RPF2: variants seen among roughly 807,000 people sequenced by gnomAD.
RPF2 encodes the protein brix domain containing 1.
RPF2 carries 21 observed loss-of-function variants against 38.9 expected under a neutral mutation model. The ratio of observed to expected loss-of-function variants is 0.54; its 90% CI spans 0.38 to 0.78. The LOEUF (loss-of-function observed/expected upper bound fraction) is 0.78. Among genes scored for constraint, RPF2 ranks in the 30% least tolerant of loss-of-function variants. RPF2 has a pLI of 0.00. For missense variants in RPF2, 314 were observed against 358.1 expected, an observed-to-expected ratio of 0.88 and a Z score of 0.99; for synonymous variants, 121 against 126.2, an observed-to-expected ratio of 0.96 and a Z score of 0.28.
At chr6:110,984,241 G>T (rs968200252) in intron 1 of RPF2, among the ~76,000 whole-genome samples, 2 of 152,000 alleles carry the variant, frequency 1.3e-5, no homozygotes, top group African/African-American at 2.4e-5. Context: ...ATAAGCAGTC[G>T]TTAGTCTTAT....
intron 7 of RPF2, among the ~76,000 whole-genome samples, chr6:111,008,898 C>CTTTTTTTTTTTTTTTTTTTTTTTTTTT (rs57167034): frequency 1.7e-5 from 2 of 120,418 alleles, no homozygotes; most frequent in African/African-American, 3.3e-5. Context: ...TTCCTGGCTC[C>CTTTTTTTTTTTTTTTTTTTTTTTTTTT]TTTTTTTTTT....
Position 111,024,297 on chromosome 6 carries a change from A to G in RPF2, c.711A>G (p.Lys237=). 6.2e-7 allele frequency: 1 copy of G among 1,612,190 alleles called. No individual in the cohort carries two copies. Among genetic ancestry groups the G allele is most frequent in the South Asian group, 1.1e-5 (1 of 90,878 alleles). The change falls in exon 9 of 10, where the codon AAA becomes AAG. Residue 237 remains lysine, a synonymous_variant. Transcript: ENST00000441448. The part of the protein sequence containing the change: ...RTHLASDDLY[K]LSMKMPKALK... Reference sequence around the variant, plus strand: ...ACCTGGCATCGGATGACCTTTATAAATTATCTATGAAAATGCCAAAAGCTC... The same window carrying G: ...ACCTGGCATCGGATGACCTTTATAAGTTATCTATGAAAATGCCAAAAGCTC...
intron 8 of RPF2, 36 bp downstream of exon 8, chr6:111,015,892 A>G: frequency 2.1e-6 from 3 of 1,441,776 alleles, no homozygotes; most frequent in Non-Finnish European, 2.9e-6. Flanking sequence ...CTTAATCCTC[A>G]GGGTTAGTGT....
chr6:110,982,078 CT>C lies in RPF2; in HGVS notation c.-28del, dbSNP rs772814863. On this transcript the variant is annotated 5_prime_UTR_variant, in exon 1 of 10. The change abolishes the stop of an existing upstream ORF in the 5' untranslated region. Coordinates refer to ENST00000441448, the MANE Select transcript of RPF2 (RefSeq NM_032194.3). ...ATCGCCGAGGGCACGTGCATGCCCC[CT>C]GGTTAAGAGTTGCAGGTAGCGGTAG... The C allele has an allele frequency of 1.7e-5, 27 of 1,613,934 alleles. No homozygotes were observed. The highest frequency in any genetic ancestry group is 2.3e-5 in the Non-Finnish European group (27 of 1,179,910).
intron 4 of RPF2, among the ~76,000 whole-genome samples, chr6:110,994,734 T>TATATATATATATATATATATACACAC (rs1436106936): frequency 6.0e-5 from 8 of 134,136 alleles, no homozygotes; most frequent in African/African-American, 1.9e-4. Context: ...TGAGTATATA[T>TATATATATATATATATATATACACAC]ACACACACAC....
chr6:111,028,046 G>A lies in RPF2; in HGVS notation c.*2464G>A, dbSNP rs1772365074. 6.6e-6 allele frequency: 1 copy of A among 151,696 alleles called. No individual in the cohort carries two copies. Among genetic ancestry groups the A allele is most frequent in the African/African-American group, 2.4e-5 (1 of 41,280 alleles). The allele number at this position is 151,696 out of a possible 1,614,324, so 9.4% of individuals were successfully genotyped here. A position where few individuals can be genotyped will look rare whatever the true frequency, so the allele number is the denominator to read the frequency against. On this transcript the variant is annotated 3_prime_UTR_variant, in exon 10 of 10. Coordinates refer to ENST00000441448, the MANE Select transcript of RPF2 (RefSeq NM_032194.3). Reference sequence around the variant, plus strand: ...TTTTGGTAGATGAGGAAAGCATTTTGGTTATTTGTTTTGTTTTAAATACCA... The same window carrying A: ...TTTTGGTAGATGAGGAAAGCATTTTAGTTATTTGTTTTGTTTTAAATACCA...
At chr6:111,025,134 A>G (rs745602577) in intron 9 of RPF2, among the ~76,000 whole-genome samples, 1 of 152,200 alleles carries the variant, frequency 6.6e-6, no homozygotes, top group Non-Finnish European at 1.5e-5. Context: ...TTGTTTTTCA[A>G]AGTGTGGCCT....
chr6:111,012,302 C>G (rs1013494765), intron 7 of RPF2, among the ~76,000 whole-genome samples: 9 of 151,626 alleles, frequency 5.9e-5, no homozygotes, highest in African/African-American at 2.2e-4. Context: ...CCCTCAGTAG[C>G]TGGGACCACA....
chr6:111,017,177 G>A (rs962220840), intron 8 of RPF2, among the ~76,000 whole-genome samples: 16 of 152,100 alleles, frequency 1.1e-4, no homozygotes, highest in Non-Finnish European at 1.8e-4. Context: ...ATCATGGCCC[G>A]TTCTCAATGA....
At chr6:111,012,616 A>G (rs1772039441) in intron 7 of RPF2, among the ~76,000 whole-genome samples, 1 of 152,154 alleles carries the variant, frequency 6.6e-6, no homozygotes, top group Admixed American at 6.5e-5. Flanking sequence ...GCATTTACCA[A>G]GTGGCATATT....
chr6:110,996,620 A>G lies in RPF2; in HGVS notation c.235-563A>G, dbSNP rs79369119. 5.7e-3 allele frequency among the ~76,000 whole-genome samples: 875 copies of G among 152,340 alleles called. 3 individuals are homozygous for G. Among genetic ancestry groups the G allele is most frequent in the Non-Finnish European group, 8.8e-3 (598 of 68,032 alleles). ...CAAAATAAATGGTTTCATTTTATTTATTAACTGAATAGTTTTCATGTATTC... is the reference window on the plus strand; with the variant it reads ...CAAAATAAATGGTTTCATTTTATTTGTTAACTGAATAGTTTTCATGTATTC... On this transcript the variant is annotated intron_variant, in intron 4 of 9. Coordinates refer to ENST00000441448, the MANE Select transcript of RPF2 (RefSeq NM_032194.3).
chr6:111,019,295 C>A (rs1388187388), intron 8 of RPF2, among the ~76,000 whole-genome samples: 1 of 152,184 alleles, frequency 6.6e-6, no homozygotes, highest in Non-Finnish European at 1.5e-5. Context: ...ATGAGAATTG[C>A]TTGAGCCTGG....
At chr6:111,018,489 A>G (rs1204078179) in intron 8 of RPF2, among the ~76,000 whole-genome samples, 1 of 152,222 alleles carries the variant, frequency 6.6e-6, no homozygotes, top group Non-Finnish European at 1.5e-5. Flanking sequence ...ATTTGTATCT[A>G]GCATTTTGTA....
Position 111,025,656 on chromosome 6 carries a change from T to TTTA in RPF2, c.*76_*77insATT. 1 of 1,091,092 alleles carries TTTA rather than the reference T, an allele frequency of 9.2e-7. No homozygotes were observed. The highest frequency in any genetic ancestry group is 1.7e-5 in the South Asian group (1 of 59,176). The allele number at this position is 1,091,092 out of a possible 1,614,324, so 67.6% of individuals were successfully genotyped here. ...TTATCAAGCGTCAATCCATTCAGAG[T>TTTA]TTCTTATAAGATCTTATTATATATT... On this transcript the variant is annotated 3_prime_UTR_variant, in exon 10 of 10. Coordinates refer to ENST00000441448, the MANE Select transcript of RPF2 (RefSeq NM_032194.3).
At chr6:111,014,601 C>G (rs1428738774) in intron 7 of RPF2, among the ~76,000 whole-genome samples, 1 of 152,196 alleles carries the variant, frequency 6.6e-6, no homozygotes, top group East Asian at 1.9e-4. Context: ...TACTACATCA[C>G]CTGCCTTGGG....
rs1210806234 is a variant in RPF2, at chr6:110,992,232, C to T, written c.234+446C>T. Among the ~76,000 whole-genome samples, 3 of 152,092 alleles carry T rather than the reference C, an allele frequency of 2.0e-5. No homozygotes were observed. In the East Asian group the frequency reaches 5.8e-4, roughly 29 times the overall value. ...GGCTGAGGCAGGATAGTCACTTGACCCCGGGAGGCAGAGGTTTCAGTGAGC... is the reference window on the plus strand; with the variant it reads ...GGCTGAGGCAGGATAGTCACTTGACTCCGGGAGGCAGAGGTTTCAGTGAGC... On this transcript the variant is annotated intron_variant, in intron 4 of 9. Transcript: ENST00000441448.
At chr6:111,021,365 C>T (rs1772232548) in intron 8 of RPF2, among the ~76,000 whole-genome samples, 2 of 152,104 alleles carry the variant, frequency 1.3e-5, no homozygotes, top group Admixed American at 6.6e-5. Flanking sequence ...CCTTGTAATA[C>T]TTGTTAGCTA....
rs146326647 is a variant in RPF2 at position 111,009,524 on chromosome 6, T to G, written c.493+1387T>G. Among the ~76,000 whole-genome samples, 307 of 152,164 alleles carry G rather than the reference T, an allele frequency of 2.0e-3. 1 individual carries two copies. Among genetic ancestry groups the G allele is most frequent in the African/African-American group, 7.1e-3 (295 of 41,518 alleles). On this transcript the variant is annotated intron_variant, in intron 7 of 9. Coordinates refer to ENST00000441448, the MANE Select transcript of RPF2 (RefSeq NM_032194.3). Reference sequence around the variant, plus strand: ...CATTTTTACTTTATTACCATCATCATCCTAAGTGCCAGGCATATAGTAGGC... The same window carrying G: ...CATTTTTACTTTATTACCATCATCAGCCTAAGTGCCAGGCATATAGTAGGC...
At chr6:110,984,176 A>G (rs768526593) in intron 1 of RPF2, among the ~76,000 whole-genome samples, 9 of 152,202 alleles carry the variant, frequency 5.9e-5, no homozygotes, top group Non-Finnish European at 1.0e-4. Context: ...ATGATGTTGG[A>G]GTGCAACAGT....
Sources: gnomAD v4.1 joint callset for allele counts (sites outside exome capture counted in the v4.1 genomes callset) on GRCh38, gnomAD v4.1.1 for gene constraint, MANE v1.5 for transcripts, NCBI Gene and HGNC (gene_info 2026-07-23, HGNC 2026-07-21) for gene names.